Variants in DNAH10 observed in about 807,000 individuals in gnomAD.
DNAH10 encodes the protein dynein axonemal heavy chain 10.
Under a neutral mutation model 506.6 loss-of-function variants are expected in DNAH10, and 348 were observed. That is an observed-to-expected ratio of 0.69 (90% CI 0.63 to 0.75). DNAH10 has a LOEUF of 0.75. DNAH10 is among the 30% of genes least tolerant of loss of function. The probability of loss-of-function intolerance (pLI) is 0.00; values close to 1 mark genes in which losing one functional copy is unlikely to be tolerated. For synonymous variants in DNAH10, 2,059 were observed against 2,198.6 expected (o/e 0.94, Z 1.78); for missense variants, 5,179 against 5,787.1 (o/e 0.89, Z 3.41).
chr12:123,819,277 GA>G, intron 23 of DNAH10, 27 bp downstream of exon 23: 1 of 1,541,034 alleles, frequency 6.5e-7, no homozygotes, highest in Non-Finnish European at 8.9e-7. Context: ...TGGTCTTACT[GA>G]GCGATCTGAG....
chr12:123,821,065 C>T (rs920370213), intron 24 of DNAH10, among the ~76,000 whole-genome samples: 8 of 152,108 alleles, frequency 5.3e-5, no homozygotes, highest in African/African-American at 1.4e-4. Context: ...GTCTGGCCAA[C>T]GTGGTGAAAC....
At chr12:123,822,130 C>G (rs1393017461) in intron 24 of DNAH10, among the ~76,000 whole-genome samples, 1 of 152,162 alleles carries the variant, frequency 6.6e-6, no homozygotes, top group Non-Finnish European at 1.5e-5. Flanking sequence ...TCGCTTGAAC[C>G]CAGGAGGTGG....
intron 25 of DNAH10, among the ~76,000 whole-genome samples, chr12:123,830,279 TA>T (rs1306403421): frequency 5.3e-5 from 8 of 152,196 alleles, no homozygotes; most frequent in African/African-American, 1.9e-4. Flanking sequence ...TCCCAATAAT[TA>T]AAAGTTGTGT....
Position 123,781,134 on chromosome 12 carries a change from G to T in DNAH10, c.676G>T (p.Val226Phe). ...GCACAGGACGAGTACAACCGTGGGA[G>T]TCACATCTGGAGAAGTCTCTAATTC... ...NQHRTSTTVG[V>F]TSGEVSNSSE... The change falls in exon 6 of 79, where the codon GTC becomes TTC. Residue 226 changes from valine to phenylalanine, a missense_variant. Physicochemically the swap from Val to Phe is conservative, Grantham distance 50 (BLOSUM62 -1). Coordinates refer to ENST00000673944, the MANE Select transcript of DNAH10 (RefSeq NM_001372106.1). The T allele has an allele frequency of 1.2e-6, 2 of 1,613,996 alleles. No homozygotes were observed.
In DNAH10 at chr12:123,853,320, G is replaced by C; in HGVS notation, c.6406G>C (p.Glu2136Gln). The C allele has an allele frequency of 6.2e-7, 1 of 1,612,302 alleles. No individual in the cohort carries two copies. The highest frequency in any genetic ancestry group is 1.3e-5 in the African/African-American group (1 of 75,000). ...ALKSVLVMAGELKRGSSDLRE... is the reference protein window; with the variant it reads ...ALKSVLVMAGQLKRGSSDLRE... ...GAAATCGGTGCTGGTCATGGCTGGT[G>C]AGCTGAAGAGAGGCTCCTCTGACCT... Residue 2136 changes from glutamate to glutamine, a missense_variant, in exon 36 of 79, where the codon GAG (glutamate) becomes CAG (glutamine). Physicochemically the swap from Glu to Gln is conservative, Grantham distance 29 (BLOSUM62 2). Coordinates refer to ENST00000673944, the MANE Select transcript of DNAH10 (RefSeq NM_001372106.1). The surrounding 1 kb of genome is among the most constrained non-coding windows in gnomAD (Gnocchi z 4.7).
At position 123,931,737 on chromosome 12, in the gene DNAH10, A is replaced by G. The variant is rs1156644470; in HGVS notation, c.13018A>G (p.Lys4340Glu). The change falls in exon 75 of 79, where the codon AAG becomes GAG. Residue 4340 changes from lysine to glutamate, a missense_variant. Around this residue, in one of 3 missense-constraint regions of DNAH10, gnomAD observed 4,844 missense variants for 5,430.5 expected, o/e 0.89. Transcript: ENST00000673944. Reference protein sequence around the residue: ...PKVFDLDQVRKRLGTGLSPTS... With the variant: ...PKVFDLDQVRERLGTGLSPTS... ...AGTCTTTGACTTGGACCAGGTGAGG[A>G]AGCGCCTCGGAACAGGACTCTCCCC... is the stretch of plus-strand genomic sequence containing the variant. The G allele has an allele frequency of 6.2e-7, 1 of 1,614,056 alleles. No homozygotes were observed. Among genetic ancestry groups the G allele is most frequent in the Admixed American group, 1.7e-5 (1 of 60,028 alleles).
chr12:123,929,681 G>T lies in DNAH10; in HGVS notation c.12534G>T (p.Leu4178=). Residue 4178 remains leucine, a synonymous_variant, in exon 72 of 79, where the codon CTG becomes CTT. Transcript: ENST00000673944. ...CTTTCAAGGTCTGCATGGAAATTCT[G>T]AACACGTACTTAACGAAAGCCTTCC... ...ESDFQVCMEI[L]NTYLTKAFQQ... The T allele has an allele frequency of 6.2e-7, 1 of 1,613,388 alleles. No homozygotes were observed. Among genetic ancestry groups the T allele is most frequent in the South Asian group, 1.1e-5 (1 of 90,884 alleles).
intron 43 of DNAH10, among the ~76,000 whole-genome samples, chr12:123,869,750 C>T (rs571706655): frequency 6.6e-6 from 1 of 152,190 alleles, no homozygotes; most frequent in East Asian, 1.9e-4. Context: ...GTTTATCTCT[C>T]TCTCTCATGT....
intron 13 of DNAH10, among the ~76,000 whole-genome samples, chr12:123,798,652 C>A (rs994947238): frequency 2.7e-5 from 4 of 150,624 alleles, no homozygotes; most frequent in Non-Finnish European, 5.9e-5. Flanking sequence ...CTATTGACTT[C>A]CTTTTTCAAA....
intron 5 of DNAH10, among the ~76,000 whole-genome samples, chr12:123,774,546 C>G (rs1221175209): frequency 3.3e-5 from 5 of 152,182 alleles, no homozygotes; most frequent in Non-Finnish European, 5.9e-5. Flanking sequence ...TTATTAACAG[C>G]AAACCAGTCA....
chr12:123,892,325 G>A (rs1291403517), intron 52 of DNAH10, among the ~76,000 whole-genome samples: 3 of 152,198 alleles, frequency 2.0e-5, no homozygotes, highest in African/African-American at 7.2e-5. Flanking sequence ...GTGGGAGCAA[G>A]GTTGGGGGAG....
intron 19 of DNAH10, among the ~76,000 whole-genome samples, chr12:123,811,083 G>A (rs951870258): frequency 1.3e-5 from 2 of 152,076 alleles, no homozygotes; most frequent in African/African-American, 4.8e-5. Context: ...TGCATGGCTA[G>A]GCCACTTAAT....
At position 123,848,843 on chromosome 12, in the gene DNAH10, G is replaced by T. The variant is rs761695918; in HGVS notation, c.6063G>T (p.Thr2021=). ...VLSVISSQIQ[T]IRNALIHQLT... ...CCGTGATCTCCTCCCAGATCCAGAC[G>T]ATCCGAAATGCTCTGATCCATCAGT... Residue 2021 remains threonine, a synonymous_variant, in exon 34 of 79, where the codon ACG becomes ACT. Transcript: ENST00000673944. The T allele has an allele frequency of 6.2e-7, 1 of 1,613,704 alleles. No individual in the cohort carries two copies. The highest frequency in any genetic ancestry group is 1.7e-5 in the Admixed American group (1 of 59,974).
At chr12:123,799,987 G>A (rs1337830919) in intron 14 of DNAH10, among the ~76,000 whole-genome samples, 1 of 152,164 alleles carries the variant, frequency 6.6e-6, no homozygotes, top group Non-Finnish European at 1.5e-5. Flanking sequence ...GAAGGCAGAA[G>A]GAATTTTTAG....
At chr12:123,794,524 G>A (rs1236474915) in intron 12 of DNAH10, among the ~76,000 whole-genome samples, 7 of 152,272 alleles carry the variant, frequency 4.6e-5, no homozygotes, top group South Asian at 4.2e-4. Flanking sequence ...AAAGAAGTCA[G>A]TATCTAGTTG....
chr12:123,880,782 T>C (rs1288616973), intron 50 of DNAH10, among the ~76,000 whole-genome samples: 1 of 148,290 alleles, frequency 6.7e-6, no homozygotes, highest in African/African-American at 2.5e-5. Context: ...GTGTATCTCC[T>C]AATGCTATCC....
chr12:123,933,327 C>T lies in DNAH10; in HGVS notation c.13297-4C>T, dbSNP rs1320537589. 2 of 1,551,364 alleles carry T rather than the reference C, an allele frequency of 1.3e-6. No individual in the cohort carries two copies. The highest frequency in any genetic ancestry group is 1.7e-6 in the Non-Finnish European group (2 of 1,145,786). On this transcript the variant is annotated splice_region_variant and splice_polypyrimidine_tract_variant and intron_variant, in intron 76 of 78. Transcript: ENST00000673944. ...TCCCAGCACTTGTCCTCTCTTCTCT[C>T]CAGGTGACCGAGAGCGAGCCCAGCG...
rs180730997 is a variant in DNAH10, at chr12:123,823,656, G to T, written c.4179+2898G>T. Among the ~76,000 whole-genome samples, 68 of 152,280 alleles carry T rather than the reference G, an allele frequency of 4.5e-4. 1 individual carries two copies. Among genetic ancestry groups the T allele is most frequent in the African/African-American group, 1.6e-3 (65 of 41,546 alleles). ...GGGTTCATAGTAGGTGTCTATATGG[G>T]ATACATAGATGTTTTGACACGGGCA... On this transcript the variant is annotated intron_variant, in intron 24 of 78. Transcript: ENST00000673944.
intron 55 of DNAH10, 48 bp from the exon 56 acceptor site, chr12:123,898,605 C>A: frequency 6.9e-7 from 1 of 1,449,890 alleles, no homozygotes. Flanking sequence ...GATTGTGTTG[C>A]GAACAGTGGC....
Sources: gnomAD v4.1 joint callset for allele counts (sites outside exome capture counted in the v4.1 genomes callset) on GRCh38, gnomAD v4.1.1 for gene constraint, gnomAD v4.1.1 regional missense constraint, Gnocchi (gnomAD v3.1) non-coding constraint, MANE v1.5 for transcripts, NCBI Gene and HGNC (gene_info 2026-07-23, HGNC 2026-07-21) for gene names.